Variants in CALM2 observed in about 807,000 individuals in gnomAD.
CALM2 encodes the protein calmodulin-2.
A neutral mutation model predicts 19.8 loss-of-function variants in CALM2; 2 were observed. That is an observed-to-expected ratio of 0.10 (90% CI 0.04 to 0.32). CALM2 has a LOEUF of 0.32. CALM2 is among the 10% of genes least tolerant of loss of function. CALM2 has a pLI of 1.00. For missense variants in CALM2, 38 were observed against 178.7 expected, an observed-to-expected ratio of 0.21 and a Z score of 4.49; for synonymous variants, 51 against 52.1, an observed-to-expected ratio of 0.98 and a Z score of 0.09.
At chr2:47,176,535 G>A (rs377288714), upstream of CALM2, 5 of 1,579,296 alleles carry the variant, frequency 3.2e-6, no homozygotes, top group East Asian at 7.1e-5. Flanking sequence ...CGCCCCCAGC[G>A]CCTCATAAAC....
chr2:47,174,844 A>G (rs2103854186), intron 1 of CALM2, among the ~76,000 whole-genome samples: 1 of 152,350 alleles, frequency 6.6e-6, no homozygotes, highest in Non-Finnish European at 1.5e-5. Context: ...GCACATTCAA[A>G]TTCAGAATAA....
intron 2 of CALM2, among the ~76,000 whole-genome samples, chr2:47,164,195 G>T (rs566804680): frequency 7.0e-6 from 1 of 142,854 alleles, no homozygotes; most frequent in Non-Finnish European, 1.5e-5. Flanking sequence ...CTGATATTGC[G>T]CCACTGCACT....
intron 5 of CALM2, 46 bp from the exon 6 acceptor site, chr2:47,160,850 CA>C (rs55773607): frequency 0.024 from 8,769 of 366,946 alleles, 37 homozygotes; most frequent in African/African-American, 0.055. Context: ...AGCAAAAGAC[CA>C]AAAAAAAAAA....
intron 4 of CALM2, 81 bp downstream of exon 4, chr2:47,162,187 AAAAAAAAAAAAAACAACC>A: frequency 1.5e-5 from 7 of 452,320 alleles, no homozygotes. Flanking sequence ...AAAAAAAAAA[AAAAAAAAAAAAAACAACC>A]AAAAAAACAC....
At position 47,162,512 on chromosome 2, in the gene CALM2, G is replaced by C. The variant is rs548280442; in HGVS notation, c.178+7C>G. 3.7e-6 allele frequency: 6 copies of C among 1,614,076 alleles called. No homozygotes were observed. The African/African-American group carries it at 5.3e-5, about 14-fold the overall frequency. On this transcript the variant is annotated splice_region_variant and intron_variant, in intron 3 of 5. Coordinates refer to ENST00000272298, the MANE Select transcript of CALM2 (RefSeq NM_001743.6). ...CCCCTCCCAGCCCCACAAAATTGAA[G>C]ACTTACCATCAGCATCTACTTCATT...
At chr2:47,166,871 A>G (rs757046292) in intron 2 of CALM2, among the ~76,000 whole-genome samples, 11 of 152,210 alleles carry the variant, frequency 7.2e-5, no homozygotes, top group South Asian at 2.1e-4. Context: ...ATTGATAGAT[A>G]TAAGGAACCT....
At chr2:47,175,988 G>T (rs1573235094) in intron 1 of CALM2, among the ~76,000 whole-genome samples, 1 of 152,018 alleles carries the variant, frequency 6.6e-6, no homozygotes, top group African/African-American at 2.4e-5. Flanking sequence ...TGGGCGCATG[G>T]CGGCCGCAAG....
At chr2:47,162,223 CATA>C (rs1288011820) in intron 4 of CALM2, 60 bp downstream of exon 4, 4 of 390,128 alleles carry the variant, frequency 1.0e-5, no homozygotes, top group East Asian at 1.4e-4. Flanking sequence ...CACAAGTCTT[CATA>C]ATGAGTCCTG....
upstream of CALM2, chr2:47,176,564 C>T: frequency 6.4e-7 from 1 of 1,553,606 alleles, no homozygotes; most frequent in Non-Finnish European, 8.7e-7. Context: ...CCGCCAGATC[C>T]CTCCGCCGCA....
intron 2 of CALM2, among the ~76,000 whole-genome samples, chr2:47,168,867 T>C (rs1468942659): frequency 1.3e-5 from 2 of 151,996 alleles, no homozygotes; most frequent in Non-Finnish European, 2.9e-5. Flanking sequence ...AACCTCTGCC[T>C]CCCAGGTTCA....
At chr2:47,161,374 T>G (rs1687148636) in intron 5 of CALM2, among the ~76,000 whole-genome samples, 1 of 152,238 alleles carries the variant, frequency 6.6e-6, no homozygotes, top group East Asian at 1.9e-4. Context: ...AATTTCATTT[T>G]AGGAAACTTG....
chr2:47,161,668 G>C (rs1346609225), intron 5 of CALM2, 55 bp downstream of exon 5: 31 of 1,536,094 alleles, frequency 2.0e-5, no homozygotes, highest in Non-Finnish European at 2.7e-5. Flanking sequence ...CTAACAAAGA[G>C]CCTCTTATCT....
chr2:47,167,494 G>A (rs1666514578), intron 2 of CALM2: 1 of 176,288 alleles, frequency 5.7e-6, no homozygotes, highest in Non-Finnish European at 1.2e-5. Flanking sequence ...AGCAGTTCAA[G>A]ACCAGCCTGG....
At chr2:47,160,850 CAAAAAAAAAA>C (rs55773607) in intron 5 of CALM2, 46 bp from the exon 6 acceptor site, 101 of 371,936 alleles carry the variant, frequency 2.7e-4, no homozygotes, top group Non-Finnish European at 3.6e-4. Flanking sequence ...AGCAAAAGAC[CAAAAAAAAAA>C]AAAAAAAAAA....
At chr2:47,161,625 TC>T (rs879596925) in intron 5 of CALM2, 97 bp downstream of exon 5, 3 of 1,105,604 alleles carry the variant, frequency 2.7e-6, no homozygotes, top group Non-Finnish European at 3.9e-6. Context: ...CAACCTAATT[TC>T]AGGGGAAGGG....
chr2:47,170,933 GCTAAGCTGTC>G (rs1558699706), intron 1 of CALM2, 169 bp from the exon 2 acceptor site: 2 of 629,486 alleles, frequency 3.2e-6, no homozygotes. Flanking sequence ...TATCTTCAAA[GCTAAGCTGTC>G]TTAACTCCAA....
intron 2 of CALM2, chr2:47,163,270 A>G (rs1037505724): frequency 2.0e-5 from 3 of 152,308 alleles, no homozygotes; most frequent in Admixed American, 6.5e-5. Context: ...TAAAGAGTCT[A>G]TAACAATGGG....
In CALM2 at chr2:47,167,613, G is replaced by C. The variant is rs146185066; in HGVS notation, c.34+3121C>G. 5.3e-3 allele frequency: 744 copies of C among 141,344 alleles called. 11 individuals are homozygous for C. The highest frequency in any genetic ancestry group is 0.019 in the African/African-American group (708 of 37,028). The allele number at this position is 141,344 out of a possible 1,614,324, so 8.8% of individuals were successfully genotyped here. On this transcript the variant is annotated intron_variant, in intron 2 of 5. Transcript: ENST00000272298. ...GGAGACTGAGCCAGGAGAATTGCTT[G>C]AAGTTGGACAGCAAAGGTTGCAGTG... is the stretch of plus-strand genomic sequence containing the variant.
intron 2 of CALM2, 193 bp from the exon 3 acceptor site, chr2:47,162,855 A>C: frequency 8.1e-6 from 4 of 494,744 alleles, no homozygotes; most frequent in Admixed American, 3.8e-5. Context: ...AAAAATACCA[A>C]TGGAGGTAGC....
Sources: allele counts gnomAD v4.1 joint callset (sites outside exome capture counted in the v4.1 genomes callset), GRCh38; gene constraint gnomAD v4.1.1; transcripts MANE v1.5; gene names NCBI Gene and HGNC (gene_info 2026-07-23, HGNC 2026-07-21).